The following RNF212 variants were observed in gnomAD, a reference collection of about 807,000 sequenced individuals.
RNF212 encodes probable E3 SUMO-protein ligase RNF212.
Under a neutral mutation model 34.7 loss-of-function variants are expected in RNF212, and 33 were observed. The observed-to-expected ratio is 0.95, with a 90% CI of 0.72 to 1.27. The LOEUF (loss-of-function observed/expected upper bound fraction) is 1.27. RNF212 is among the 50% of genes most tolerant of loss of function. RNF212 has a pLI of 0.00. For synonymous variants in RNF212, 140 were observed against 136.1 expected (o/e 1.03, Z -0.20); for missense variants, 377 against 362.2 (o/e 1.04, Z -0.33).
chr4:1,100,116 T>C (rs1723732405), intron 2 of RNF212: 7 of 342,656 alleles, frequency 2.0e-5, no homozygotes, highest in South Asian at 1.6e-4. Flanking sequence ...GAGTCTCGGC[T>C]GTCAACACTA....
chr4:1,098,170 C>A (rs1219513365), intron 2 of RNF212, among the ~76,000 whole-genome samples: 1 of 145,952 alleles, frequency 6.9e-6, no homozygotes, highest in East Asian at 1.9e-4. Context: ...TTCTGTGGTT[C>A]AGGACAGTGA....
chr4:1,063,785 G>T (rs936360712), intron 3 of RNF212, among the ~76,000 whole-genome samples: 70 of 151,712 alleles, frequency 4.6e-4, no homozygotes, highest in African/African-American at 1.6e-3. Context: ...GAGGTGGGAG[G>T]ATTGATTGAG....
chr4:1,113,493 C>CGGGCCCACGCG lies in RNF212; in HGVS notation c.-40_-30dup. 1.3e-6 allele frequency: 2 copies of CGGGCCCACGCG among 1,578,294 alleles called. No individual in the cohort carries two copies. The highest frequency in any genetic ancestry group is 1.7e-6 in the Non-Finnish European group (2 of 1,156,414). Reference sequence around the variant, plus strand: ...AGGCGGGCGACCGCAGCGGCGAGGCCGGGCCCACGCGAAGCCCACGCAAGG... The same window carrying CGGGCCCACGCG: ...AGGCGGGCGACCGCAGCGGCGAGGCCGGGCCCACGCGGGGCCCACGCGAAGCCCACGCAAGG... On this transcript the variant is annotated 5_prime_UTR_variant, in exon 1 of 10. Coordinates refer to ENST00000433731, the MANE Select transcript of RNF212 (RefSeq NM_001131034.4).
At chr4:1,103,037 A>G (rs1399560939) in intron 2 of RNF212, among the ~76,000 whole-genome samples, 1 of 152,206 alleles carries the variant, frequency 6.6e-6, no homozygotes, top group African/African-American at 2.4e-5. Flanking sequence ...AAGAGAAAAG[A>G]GAATTCATAA....
intron 3 of RNF212, among the ~76,000 whole-genome samples, chr4:1,091,382 G>A (rs1333765975): frequency 1.3e-5 from 2 of 152,166 alleles, no homozygotes; most frequent in Non-Finnish European, 2.9e-5. Flanking sequence ...ACCAACATAA[G>A]GAGGAAAGAG....
chr4:1,057,567 C>T (rs185650284), intron 4 of RNF212, among the ~76,000 whole-genome samples: 15 of 152,278 alleles, frequency 9.9e-5, no homozygotes, highest in Admixed American at 7.2e-4. Context: ...TTAATTTACA[C>T]ACTGCCTGCC....
intron 3 of RNF212, among the ~76,000 whole-genome samples, chr4:1,058,966 C>T (rs1717550511): frequency 6.6e-6 from 1 of 152,222 alleles, no homozygotes; most frequent in Admixed American, 6.5e-5. Flanking sequence ...TCTTTCAGTG[C>T]CCCACCCGTG....
chr4:1,076,039 T>A (rs1266779322), intron 8 of RNF212, among the ~76,000 whole-genome samples: 1 of 152,222 alleles, frequency 6.6e-6, no homozygotes, highest in Non-Finnish European at 1.5e-5. Context: ...TTCAAAAAGA[T>A]ATGTTAATCC....
intron 2 of RNF212, among the ~76,000 whole-genome samples, chr4:1,103,690 A>G (rs1724381089): frequency 1.3e-5 from 2 of 152,246 alleles, no homozygotes; most frequent in Non-Finnish European, 2.9e-5. Flanking sequence ...AAATATTTAT[A>G]GTCAATAATC....
At chr4:1,073,865 TTACC>T in intron 8 of RNF212, 1 of 571,096 alleles carries the variant, frequency 1.8e-6, no homozygotes, top group East Asian at 2.8e-5. Flanking sequence ...TGGGTGGGTA[TTACC>T]TGATTACCTG....
chr4:1,113,655 G>C (rs1560180208), upstream of RNF212: 2 of 483,800 alleles, frequency 4.1e-6, no homozygotes, highest in Non-Finnish European at 3.6e-6. Flanking sequence ...GCACCTGGGA[G>C]GGCGCGTGTG....
In RNF212 at chr4:1,073,884, A is replaced by T. The variant is rs556844406; in HGVS notation, c.511-222T>A. The T allele has an allele frequency of 5.7e-5, 32 of 557,062 alleles. No individual in the cohort carries two copies. In the Admixed American group the frequency reaches 6.9e-4, roughly 12 times the overall value. The allele number at this position is 557,062 out of a possible 1,614,324, so 34.5% of individuals were successfully genotyped here. ...TGGGTATTACCTGATTACCTGTTTG[A>T]TTCCCTCTGTTCCACCAGGGCCTAA... On this transcript the variant is annotated intron_variant, in intron 8 of 9. Transcript: ENST00000433731.
At chr4:1,081,075 G>A (rs1720258181) in intron 7 of RNF212, among the ~76,000 whole-genome samples, 1 of 152,230 alleles carries the variant, frequency 6.6e-6, no homozygotes, top group African/African-American at 2.4e-5. Flanking sequence ...GGCACACCAG[G>A]TCAGCCCCTT....
intron 7 of RNF212, among the ~76,000 whole-genome samples, 184 bp from the exon 8 acceptor site, chr4:1,079,872 C>T (rs1720042782): frequency 6.6e-6 from 1 of 152,242 alleles, no homozygotes; most frequent in Admixed American, 6.5e-5. Flanking sequence ...TTTAGGGCCA[C>T]CCGCCGTCTG....
intron 7 of RNF212, among the ~76,000 whole-genome samples, chr4:1,081,071 C>T (rs1720257363): frequency 6.6e-6 from 1 of 152,220 alleles, no homozygotes; most frequent in Admixed American, 6.5e-5. Context: ...ATAAGGCACA[C>T]CAGGTCAGCC....
chr4:1,081,079 G>A (rs1018031551), intron 7 of RNF212, among the ~76,000 whole-genome samples: 4 of 152,230 alleles, frequency 2.6e-5, no homozygotes, highest in African/African-American at 9.6e-5. Flanking sequence ...CACCAGGTCA[G>A]CCCCTTAATT....
intron 2 of RNF212, among the ~76,000 whole-genome samples, chr4:1,105,625 C>T (rs564096590): frequency 5.9e-5 from 9 of 152,360 alleles, no homozygotes; most frequent in African/African-American, 2.2e-4. Context: ...GACTGGAAAC[C>T]ATCAGAGGGT....
intron 3 of RNF212, among the ~76,000 whole-genome samples, chr4:1,059,087 C>A (rs1717560814): frequency 6.6e-6 from 1 of 152,228 alleles, no homozygotes; most frequent in South Asian, 2.1e-4. Flanking sequence ...GTGAGGGAGC[C>A]CAAGCATTAG....
At chr4:1,095,869 C>T (rs1722997593) in intron 3 of RNF212, among the ~76,000 whole-genome samples, 1 of 92,036 alleles carries the variant, frequency 1.1e-5, no homozygotes, top group Non-Finnish European at 2.0e-5. Flanking sequence ...CCACACCCCC[C>T]ACAGCTCCAT....
Sources: allele counts gnomAD v4.1 joint callset (sites outside exome capture counted in the v4.1 genomes callset), GRCh38; gene constraint gnomAD v4.1.1; transcripts MANE v1.5; gene names NCBI Gene and HGNC (gene_info 2026-07-23, HGNC 2026-07-21).